The following CEP89 variants were observed in gnomAD, a reference collection of about 807,000 sequenced individuals.
The protein encoded by CEP89 is centrosomal protein of 89 kDa.
Under a neutral mutation model 97.6 loss-of-function variants are expected in CEP89, and 95 were observed. The ratio of observed to expected loss-of-function variants is 0.97; its 90% CI spans 0.82 to 1.15. The LOEUF (loss-of-function observed/expected upper bound fraction) is 1.15. Ranked by LOEUF, CEP89 falls within the 50% of genes most tolerant of loss-of-function variation. CEP89 has a pLI of 0.00. For synonymous variants in CEP89, 354 were observed against 349.1 expected, an observed-to-expected ratio of 1.01 and a Z score of -0.16; for missense variants, 869 against 947.7, an observed-to-expected ratio of 0.92 and a Z score of 1.09.
intron 16 of CEP89, among the ~76,000 whole-genome samples, chr19:32,890,512 T>C (rs149756631): frequency 1.3e-5 from 2 of 151,354 alleles, no homozygotes; most frequent in Non-Finnish European, 3.0e-5. Flanking sequence ...AAAACAGGAG[T>C]CAGTCATCGC....
chr19:32,886,839 GC>G (rs1346661409), intron 17 of CEP89, among the ~76,000 whole-genome samples: 3 of 151,238 alleles, frequency 2.0e-5, no homozygotes, highest in African/African-American at 7.3e-5. Flanking sequence ...GCATGGCATA[GC>G]CCCTTCCCTT....
chr19:32,931,151 A>C (rs1970464649), intron 9 of CEP89: 1 of 406,392 alleles, frequency 2.5e-6, no homozygotes, highest in Non-Finnish European at 4.3e-6. Flanking sequence ...CAGCCTCTGA[A>C]AGTGCTGGGA....
chr19:32,957,300 G>A (rs1971068979), intron 3 of CEP89, among the ~76,000 whole-genome samples: 1 of 152,174 alleles, frequency 6.6e-6, no homozygotes. Context: ...TTTGGCAAAG[G>A]TAGGTTTACC....
intron 4 of CEP89, among the ~76,000 whole-genome samples, chr19:32,950,020 CT>C (rs36042141): frequency 0.075 from 10,770 of 143,176 alleles, 426 homozygotes; most frequent in Middle Eastern, 0.12. Context: ...TGGCCCCGTA[CT>C]TTTTTTTTTT....
intron 14 of CEP89, among the ~76,000 whole-genome samples, chr19:32,910,113 T>A (rs1969966937): frequency 6.6e-6 from 1 of 151,956 alleles, no homozygotes; most frequent in African/African-American, 2.4e-5. Flanking sequence ...ATACAAAAAT[T>A]AGCCAAGCGT....
intron 3 of CEP89, 106 bp from the exon 4 acceptor site, chr19:32,953,907 C>T (rs76219163): frequency 6.1e-5 from 50 of 813,606 alleles, no homozygotes; most frequent in Middle Eastern, 7.6e-4. Flanking sequence ...CTTGCTCTGT[C>T]GCCCAGGCTG....
chr19:32,892,575 G>A (rs1195874316), intron 16 of CEP89, among the ~76,000 whole-genome samples: 1 of 151,614 alleles, frequency 6.6e-6, no homozygotes, highest in African/African-American at 2.4e-5. Flanking sequence ...CAAAGTGCTG[G>A]GATTACAGGT....
At chr19:32,952,316 A>C (rs1194913259) in intron 4 of CEP89, among the ~76,000 whole-genome samples, 2 of 120,040 alleles carry the variant, frequency 1.7e-5, no homozygotes, top group Non-Finnish European at 3.7e-5. Context: ...CCCTGGCCCT[A>C]TAGAAAAAAA....
intron 11 of CEP89, among the ~76,000 whole-genome samples, chr19:32,925,379 C>T (rs527554817): frequency 1.4e-4 from 22 of 152,186 alleles, no homozygotes; most frequent in African/African-American, 5.1e-4. Flanking sequence ...TTTCCAACAG[C>T]TCAGCAATCA....
At chr19:32,897,486 A>C (rs1009337544) in intron 16 of CEP89, among the ~76,000 whole-genome samples, 1 of 152,234 alleles carries the variant, frequency 6.6e-6, no homozygotes, top group Admixed American at 6.5e-5. Context: ...CTAACCTATA[A>C]GAAGCAGAAT....
At chr19:32,885,845 ACCGAAT>A (rs907857504) in intron 17 of CEP89, among the ~76,000 whole-genome samples, 1 of 152,012 alleles carries the variant, frequency 6.6e-6, no homozygotes, top group African/African-American at 2.4e-5. Context: ...ATCACTGTCC[ACCGAAT>A]CCTTTGCACA....
chr19:32,951,791 C>A (rs1471274381), intron 4 of CEP89, among the ~76,000 whole-genome samples: 1 of 151,910 alleles, frequency 6.6e-6, no homozygotes, highest in Non-Finnish European at 1.5e-5. Flanking sequence ...CTAAAGCCAC[C>A]CTAACAGACT....
chr19:32,938,881 C>T (rs934784640), intron 6 of CEP89, among the ~76,000 whole-genome samples: 30 of 152,010 alleles, frequency 2.0e-4, no homozygotes, highest in African/African-American at 7.0e-4. Flanking sequence ...ATCCAGGAGG[C>T]GGAGGTTGCA....
intron 5 of CEP89, among the ~76,000 whole-genome samples, chr19:32,945,794 C>T (rs773478236): frequency 3.9e-5 from 6 of 152,170 alleles, no homozygotes; most frequent in East Asian, 1.9e-4. Flanking sequence ...GGATTTCATG[C>T]GCAGATCCTT....
At chr19:32,953,117 GAT>G (rs1467990298) in intron 4 of CEP89, among the ~76,000 whole-genome samples, 1 of 151,250 alleles carries the variant, frequency 6.6e-6, no homozygotes, top group Non-Finnish European at 1.5e-5. Flanking sequence ...GCAGTGCCCT[GAT>G]GTGTGACAGG....
intron 4 of CEP89, among the ~76,000 whole-genome samples, chr19:32,950,026 T>G (rs1314060577): frequency 6.6e-6 from 1 of 151,856 alleles, no homozygotes; most frequent in Non-Finnish European, 1.5e-5. Context: ...CGTACTTTTT[T>G]TTTTTTTTAA....
At position 32,923,443 on chromosome 19, in the gene CEP89, C is replaced by G. The variant is rs1970292513; in HGVS notation, c.1264G>C (p.Glu422Gln). 1 of 1,551,690 alleles carries G rather than the reference C, an allele frequency of 6.4e-7. No homozygotes were observed. Among genetic ancestry groups the G allele is most frequent in the Non-Finnish European group, 8.9e-7 (1 of 1,127,956 alleles). Reference protein sequence around the residue: ...LNKSSAVTSEEWRQLQTQAKL... With the variant: ...LNKSSAVTSEQWRQLQTQAKL... ...CAGAAACACAATGCCACTTGCCATT[C>G]CTCACTGGTAACAGCACTACTCTTA... is the stretch of plus-strand genomic sequence containing the variant. Residue 422 changes from glutamate (E) to glutamine (Q), a missense_variant, in exon 12 of 19, where the codon GAA becomes CAA. Transcript: ENST00000305768.
At chr19:32,946,684 C>T (rs1170424571) in intron 5 of CEP89, among the ~76,000 whole-genome samples, 7 of 152,084 alleles carry the variant, frequency 4.6e-5, no homozygotes, top group Non-Finnish European at 5.9e-5. Context: ...ATACTGTTCT[C>T]GTGGTAGTGA....
chr19:32,880,639 T>TTA (rs1969262302), intron 18 of CEP89, among the ~76,000 whole-genome samples: 1 of 137,718 alleles, frequency 7.3e-6, no homozygotes, highest in African/African-American at 2.7e-5. Context: ...ACCTTGTATT[T>TTA]AAAAAAAAAA....
Sources: gnomAD v4.1 joint callset for allele counts (sites outside exome capture counted in the v4.1 genomes callset) on GRCh38, gnomAD v4.1.1 for gene constraint, MANE v1.5 for transcripts, NCBI Gene and HGNC (gene_info 2026-07-23, HGNC 2026-07-21) for gene names.